The following TEX11 variants were observed in gnomAD, a reference collection of about 807,000 sequenced individuals.
TEX11 encodes the protein testis expressed 11, also known as testis-expressed protein 11.
Under a neutral mutation model 84.4 loss-of-function variants are expected in TEX11, and 7 were observed. The ratio of observed to expected loss-of-function variants is 0.08; its 90% confidence interval spans 0.05 to 0.16. The LOEUF (loss-of-function observed/expected upper bound fraction) is 0.16. TEX11 is among the 10% of genes least tolerant of loss of function. The probability of loss-of-function intolerance (pLI) is 1.00; values close to 1 mark genes in which losing one functional copy is unlikely to be tolerated. For missense variants in TEX11, 551 were observed against 660.5 expected (o/e 0.83, Z 1.82); for synonymous variants, 264 against 222.8 (o/e 1.18, Z -1.64).
intron 20 of TEX11, among the ~76,000 whole-genome samples, chrX:70,617,116 T>A (rs1275147808): frequency 9.0e-6 from 1 of 110,503 alleles, no homozygotes; most frequent in Non-Finnish European, 1.9e-5. Flanking sequence ...AAATATCACA[T>A]GTAGCCCATA....
intron 11 of TEX11, among the ~76,000 whole-genome samples, chrX:70,734,791 C>G (rs116000885): frequency 9.0e-6 from 1 of 111,098 alleles, no homozygotes; most frequent in Non-Finnish European, 1.9e-5. Flanking sequence ...TGTTTTTTAA[C>G]GTGGTTGTAC....
At chrX:70,582,658 A>G (rs1224109235) in intron 25 of TEX11, among the ~76,000 whole-genome samples, 1 of 111,334 alleles carries the variant, frequency 9.0e-6, no homozygotes, top group Non-Finnish European at 1.9e-5. Context: ...TCACTTGTCA[A>G]AGAGCTAAAG....
At chrX:70,689,508 G>A (rs746259425) in intron 13 of TEX11, among the ~76,000 whole-genome samples, 1 of 111,416 alleles carries the variant, frequency 9.0e-6, no homozygotes, top group African/African-American at 3.3e-5. Context: ...ATTCTGTGTT[G>A]TCAGAAAGAA....
At chrX:70,839,645 A>G (rs1225576884) in intron 7 of TEX11, among the ~76,000 whole-genome samples, 2 of 112,254 alleles carry the variant, frequency 1.8e-5, no homozygotes, top group African/African-American at 6.5e-5. Flanking sequence ...ACGAAGAATG[A>G]CTTTGACGAG....
intron 24 of TEX11, among the ~76,000 whole-genome samples, chrX:70,599,544 A>C (rs1242105808): frequency 9.0e-6 from 1 of 110,661 alleles, no homozygotes. Flanking sequence ...TTATACTTTA[A>C]GTTTTAGGGT....
intron 3 of TEX11, among the ~76,000 whole-genome samples, chrX:70,874,395 C>CTTTTT (rs34210812): frequency 1.9e-4 from 9 of 48,069 alleles, no homozygotes; most frequent in East Asian, 1.0e-3. Flanking sequence ...TGATGACTTC[C>CTTTTT]TTTTTTTTTT....
chrX:70,521,540 G>C, the TEX11 span, among the ~76,000 whole-genome samples: 1 of 111,700 alleles, frequency 9.0e-6, no homozygotes, highest in African/African-American at 3.3e-5. Flanking sequence ...GCCTCTCAAA[G>C]TGTTGGGATT....
intron 2 of TEX11, among the ~76,000 whole-genome samples, chrX:70,892,520 G>T (rs1454397005): frequency 9.0e-6 from 1 of 111,157 alleles, no homozygotes; most frequent in Non-Finnish European, 1.9e-5. Context: ...GGATCAAGAG[G>T]TCAGGAGTTC....
intron 24 of TEX11, among the ~76,000 whole-genome samples, chrX:70,593,559 T>G (rs1443129369): frequency 8.9e-6 from 1 of 111,997 alleles, no homozygotes; most frequent in Non-Finnish European, 1.9e-5. Context: ...GCCCAGATGT[T>G]AAACTTAATA....
chrX:70,624,961 C>A, intron 18 of TEX11, 37 bp from the exon 19 acceptor site: 1 of 944,368 alleles, frequency 1.1e-6, no homozygotes, highest in Non-Finnish European at 1.5e-6. Context: ...AATTACATCT[C>A]AAAGTGATAC....
At chrX:70,779,269 G>T (rs1215858885) in intron 9 of TEX11, among the ~76,000 whole-genome samples, 1 of 108,117 alleles carries the variant, frequency 9.2e-6, no homozygotes, top group Non-Finnish European at 1.9e-5. Flanking sequence ...ACAAAAATTA[G>T]CCAAGAGTGG....
chrX:70,539,038 A>ACATATTTTTTTT (rs2088000522), intron 28 of TEX11, among the ~76,000 whole-genome samples: 1 of 41,255 alleles, frequency 2.4e-5, no homozygotes, highest in Non-Finnish European at 4.1e-5. Context: ...ATATATATAT[A>ACATATTTTTTTT]TTTTTTTTTT....
intron 17 of TEX11, among the ~76,000 whole-genome samples, chrX:70,639,423 C>T (rs1741529111): frequency 8.9e-6 from 1 of 112,100 alleles, no homozygotes. Flanking sequence ...CACCACAGCT[C>T]AAGGAGGCCT....
chrX:70,863,853 C>A (rs2091583470), intron 4 of TEX11, among the ~76,000 whole-genome samples: 2 of 111,504 alleles, frequency 1.8e-5, no homozygotes, highest in Admixed American at 1.9e-4. Context: ...GAACTGCTAA[C>A]TAGAATAACC....
At chrX:70,706,763 T>G (rs1174516842) in intron 13 of TEX11, among the ~76,000 whole-genome samples, 1 of 111,164 alleles carries the variant, frequency 9.0e-6, no homozygotes, top group Admixed American at 9.6e-5. Flanking sequence ...CGTGAAAGAA[T>G]GAATTTCCAC....
chrX:70,786,369 A>G (rs955672852), intron 9 of TEX11, among the ~76,000 whole-genome samples: 1 of 111,711 alleles, frequency 9.0e-6, no homozygotes, highest in African/African-American at 3.3e-5. Context: ...TACCTAATGT[A>G]AATGATGAGT....
At chrX:70,542,076 A>G (rs893472944) in intron 28 of TEX11, among the ~76,000 whole-genome samples, 2 of 111,292 alleles carry the variant, frequency 1.8e-5, no homozygotes, top group African/African-American at 6.5e-5. Context: ...CCTGTAGTTG[A>G]TGTGCAACGG....
At chrX:70,673,598 T>C (rs1427470674) in intron 15 of TEX11, 1 of 101,024 alleles carries the variant, frequency 9.9e-6, no homozygotes, top group Non-Finnish European at 2.0e-5. Context: ...AATTTTTGTA[T>C]AAAATGTGAA....
chrX:70,771,536 GA>G (rs947983107), intron 9 of TEX11, among the ~76,000 whole-genome samples: 1 of 109,573 alleles, frequency 9.1e-6, no homozygotes, highest in Non-Finnish European at 1.9e-5. Context: ...AATCTATTTT[GA>G]AAAAAACTTA....
Sources: allele counts gnomAD v4.1 joint callset (sites outside exome capture counted in the v4.1 genomes callset), GRCh38; gene constraint gnomAD v4.1.1; transcripts MANE v1.5; gene names NCBI Gene and HGNC (gene_info 2026-07-23, HGNC 2026-07-21).